Variants in SCFD2 observed in about 807,000 individuals in gnomAD.
SCFD2 encodes sec1 family domain containing 2, also known as sec1 family domain-containing protein 2.
In SCFD2, 54 loss-of-function variants were observed where a neutral mutation model predicts 58.9. The ratio of observed to expected loss-of-function variants is 0.92; its 90% confidence interval spans 0.74 to 1.15. The LOEUF is 1.15. SCFD2 is among the 50% of genes most tolerant of loss of function. The pLI, the probability that SCFD2 is intolerant of heterozygous loss-of-function variation, is 0.00. For synonymous variants in SCFD2, 321 were observed against 335.9 expected, an observed-to-expected ratio of 0.96 and a Z score of 0.49; for missense variants, 805 against 836.6, an observed-to-expected ratio of 0.96 and a Z score of 0.47.
intron 6 of SCFD2, among the ~76,000 whole-genome samples, chr4:52,919,350 T>C (rs1179445915): frequency 6.6e-6 from 1 of 152,324 alleles, no homozygotes; most frequent in African/African-American, 2.4e-5. Context: ...CTAGTCCACA[T>C]TATAGTATTT....
intron 5 of SCFD2, among the ~76,000 whole-genome samples, chr4:53,116,406 T>A (rs531863221): frequency 1.7e-4 from 26 of 152,286 alleles, no homozygotes; most frequent in African/African-American, 5.8e-4. Context: ...ATAAATAATG[T>A]ACTGGCTGTT....
At chr4:53,296,446 C>T (rs559317189) in intron 3 of SCFD2, among the ~76,000 whole-genome samples, 15 of 152,038 alleles carry the variant, frequency 9.9e-5, no homozygotes, top group South Asian at 6.3e-4. Context: ...TAGTATTCTC[C>T]GATGGTAGAT....
chr4:53,181,196 A>G (rs922233037), intron 4 of SCFD2, among the ~76,000 whole-genome samples: 11 of 152,208 alleles, frequency 7.2e-5, no homozygotes, highest in Non-Finnish European at 1.2e-4. Flanking sequence ...TGGCAGAGAC[A>G]CAACCAAAAA....
At chr4:53,139,604 C>G (rs1399927408) in intron 5 of SCFD2, among the ~76,000 whole-genome samples, 1 of 151,196 alleles carries the variant, frequency 6.6e-6, no homozygotes, top group Non-Finnish European at 1.5e-5. Flanking sequence ...CAGCCCCCGC[C>G]CGGCTGCTGC....
chr4:53,236,533 G>C (rs954870680), intron 4 of SCFD2, among the ~76,000 whole-genome samples: 1 of 149,312 alleles, frequency 6.7e-6, no homozygotes, highest in Non-Finnish European at 1.5e-5. Flanking sequence ...ATTTTTCTTA[G>C]TTGTTTTAAA....
chr4:52,910,584 A>C lies in SCFD2; in HGVS notation c.1708-2993T>G, dbSNP rs185867859. 5.3e-5 allele frequency among the ~76,000 whole-genome samples: 8 copies of C among 152,344 alleles called. No individual in the cohort carries two copies. In the East Asian group the frequency reaches 1.5e-3, roughly 29 times the overall value. ...GAAGCTTACAGTTATTTATTTTATTAGTCTATTAAAACTCATTAGCAGAAT... is the reference window on the plus strand; with the variant it reads ...GAAGCTTACAGTTATTTATTTTATTCGTCTATTAAAACTCATTAGCAGAAT... On this transcript the variant is annotated intron_variant, in intron 6 of 8. Transcript: ENST00000401642.
intron 5 of SCFD2, among the ~76,000 whole-genome samples, chr4:53,116,830 G>A (rs1300511096): frequency 1.3e-5 from 2 of 152,228 alleles, no homozygotes; most frequent in African/African-American, 4.8e-5. Context: ...TTTTGAGGGA[G>A]ATGGTAGAAG....
At position 53,100,089 on chromosome 4, in the gene SCFD2, A is replaced by G. The variant is rs1289151697; in HGVS notation, c.1561+45244T>C. On this transcript the variant is annotated intron_variant, in intron 5 of 8. Transcript: ENST00000401642. ...CAGGAAACTGATGAAGAAAACAATA[A>G]TAATAATAGCAATCTGTTGCTTGTC... Among the ~76,000 whole-genome samples, 3 of 152,156 alleles carry G rather than the reference A, an allele frequency of 2.0e-5. No individual in the cohort carries two copies. In the East Asian group the frequency reaches 5.8e-4, roughly 29 times the overall value.
chr4:53,216,845 T>A (rs1228365255), intron 4 of SCFD2, among the ~76,000 whole-genome samples: 1 of 152,234 alleles, frequency 6.6e-6, no homozygotes, highest in Non-Finnish European at 1.5e-5. Context: ...TGGTATGTTG[T>A]GTCTTTGTTC....
chr4:53,077,207 A>T (rs762633140), intron 5 of SCFD2, among the ~76,000 whole-genome samples: 1 of 152,154 alleles, frequency 6.6e-6, no homozygotes, highest in Non-Finnish European at 1.5e-5. Context: ...TCTCCATTTG[A>T]TCAGCGCATT....
intron 5 of SCFD2, among the ~76,000 whole-genome samples, chr4:53,102,786 C>A (rs1724867178): frequency 6.6e-6 from 1 of 152,068 alleles, no homozygotes; most frequent in Non-Finnish European, 1.5e-5. Flanking sequence ...GGGTGTAAAT[C>A]TTATGTAGGG....
At chr4:53,156,120 A>G (rs888126867) in intron 4 of SCFD2, among the ~76,000 whole-genome samples, 2 of 152,182 alleles carry the variant, frequency 1.3e-5, no homozygotes, top group Non-Finnish European at 2.9e-5. Context: ...ACAGTGGCTC[A>G]CACCTGTAAT....
intron 1 of SCFD2, among the ~76,000 whole-genome samples, chr4:53,353,248 G>A (rs143438062): frequency 0.011 from 1,739 of 152,208 alleles, 22 homozygotes; most frequent in Non-Finnish European, 0.015. Context: ...TTAAGGCAGC[G>A]CGTCTGGAGT....
At chr4:53,259,930 C>T (rs1730779327) in intron 4 of SCFD2, among the ~76,000 whole-genome samples, 1 of 150,996 alleles carries the variant, frequency 6.6e-6, no homozygotes, top group Admixed American at 6.6e-5. Context: ...AGAGGTCTTT[C>T]ACCTCCTTGG....
chr4:53,213,754 C>G (rs1308925591), intron 4 of SCFD2, among the ~76,000 whole-genome samples: 2 of 152,042 alleles, frequency 1.3e-5, no homozygotes, highest in Non-Finnish European at 2.9e-5. Context: ...GTGCTGCATC[C>G]ATTAACTCGT....
At chr4:53,260,324 C>T (rs906306665) in intron 4 of SCFD2, among the ~76,000 whole-genome samples, 2 of 152,060 alleles carry the variant, frequency 1.3e-5, no homozygotes, top group Admixed American at 6.6e-5. Context: ...AGAGGGGATG[C>T]TTCCAACTTT....
intron 2 of SCFD2, among the ~76,000 whole-genome samples, chr4:53,351,696 C>A (rs1026709006): frequency 7.2e-5 from 11 of 152,214 alleles, no homozygotes; most frequent in African/African-American, 2.4e-4. Context: ...TGTAAACACA[C>A]CAAATGGACA....
intron 7 of SCFD2, among the ~76,000 whole-genome samples, chr4:52,901,640 C>T (rs1255480637): frequency 6.6e-6 from 1 of 152,160 alleles, no homozygotes; most frequent in Non-Finnish European, 1.5e-5. Context: ...AACCAGAGTG[C>T]AGATTCATGA....
chr4:53,143,114 C>T (rs1316051325), intron 5 of SCFD2, among the ~76,000 whole-genome samples: 3 of 152,068 alleles, frequency 2.0e-5, no homozygotes, highest in Non-Finnish European at 4.4e-5. Flanking sequence ...TCCTAAGCAA[C>T]CATAAATAGA....
Sources: allele counts gnomAD v4.1 joint callset (sites outside exome capture counted in the v4.1 genomes callset), GRCh38; gene constraint gnomAD v4.1.1; transcripts MANE v1.5; gene names NCBI Gene and HGNC (gene_info 2026-07-23, HGNC 2026-07-21).